The following MACROD2 variants were observed in gnomAD, a reference collection of about 807,000 sequenced individuals.
MACROD2 encodes ADP-ribose glycohydrolase MACROD2.
MACROD2 carries 36 observed loss-of-function variants against 70.4 expected under a neutral mutation model. The ratio of observed to expected loss-of-function variants is 0.51; its 90% CI spans 0.39 to 0.68. MACROD2 has a LOEUF of 0.68. MACROD2 is among the 30% of genes least tolerant of loss of function. The probability of loss-of-function intolerance (pLI) is 0.00; values close to 1 mark genes in which losing one functional copy is unlikely to be tolerated. For missense variants in MACROD2, 496 were observed against 538.4 expected (o/e 0.92, Z 0.78); for synonymous variants, 172 against 178.8 (o/e 0.96, Z 0.30).
chr20:14,574,792 A>C (rs1344502339), intron 4 of MACROD2, among the ~76,000 whole-genome samples: 1 of 149,778 alleles, frequency 6.7e-6, no homozygotes, highest in African/African-American at 2.4e-5. Context: ...CGGGTGGATC[A>C]TGAGGTCAGG....
At chr20:14,088,206 G>C (rs2054103850) in intron 3 of MACROD2, among the ~76,000 whole-genome samples, 1 of 151,560 alleles carries the variant, frequency 6.6e-6, no homozygotes, top group African/African-American at 2.4e-5. Flanking sequence ...GCGTGTGCCT[G>C]TAAGTCCCAG....
At chr20:15,787,252 C>T (rs989034501) in intron 8 of MACROD2, among the ~76,000 whole-genome samples, 8 of 151,996 alleles carry the variant, frequency 5.3e-5, no homozygotes, top group Non-Finnish European at 1.0e-4. Context: ...GATTACAGGC[C>T]GAAGAAACAT....
intron 5 of MACROD2, among the ~76,000 whole-genome samples, chr20:14,920,390 T>C (rs912799121): frequency 1.3e-5 from 2 of 152,190 alleles, no homozygotes; most frequent in African/African-American, 4.8e-5. Context: ...TCTTATCTAA[T>C]GTTTCCTAAA....
chr20:15,128,959 T>A (rs1170108205), intron 5 of MACROD2, among the ~76,000 whole-genome samples: 1 of 152,026 alleles, frequency 6.6e-6, no homozygotes, highest in Non-Finnish European at 1.5e-5. Flanking sequence ...ATTTTAATGC[T>A]TCCTTCTTGT....
chr20:14,682,432 A>G (rs988194355), intron 4 of MACROD2, among the ~76,000 whole-genome samples: 7 of 151,396 alleles, frequency 4.6e-5, no homozygotes, highest in African/African-American at 1.7e-4. Context: ...CTGAATATAT[A>G]TATACACATT....
At chr20:15,529,760 GC>G (rs928539711) in intron 8 of MACROD2, among the ~76,000 whole-genome samples, 21 of 151,368 alleles carry the variant, frequency 1.4e-4, no homozygotes, top group East Asian at 7.7e-4. Context: ...ACTGATATCC[GC>G]CCCCCCCACC....
intron 6 of MACROD2, among the ~76,000 whole-genome samples, chr20:15,279,024 G>A (rs1392504099): frequency 1.3e-5 from 2 of 152,114 alleles, no homozygotes; most frequent in Non-Finnish European, 1.5e-5. Context: ...GGCAATATCT[G>A]TGCTGAAATA....
intron 3 of MACROD2, among the ~76,000 whole-genome samples, chr20:14,376,249 G>A (rs2122760422): frequency 6.6e-6 from 1 of 152,002 alleles, no homozygotes; most frequent in East Asian, 1.9e-4. Flanking sequence ...TACTTCCTAT[G>A]CCTTTTTATT....
At chr20:14,972,101 A>G (rs888539405) in intron 5 of MACROD2, among the ~76,000 whole-genome samples, 3 of 152,226 alleles carry the variant, frequency 2.0e-5, no homozygotes, top group Admixed American at 6.5e-5. Flanking sequence ...CTTAACTCCT[A>G]TATCACTGGT....
intron 3 of MACROD2, among the ~76,000 whole-genome samples, chr20:14,226,516 G>T (rs937570775): frequency 3.9e-5 from 6 of 152,190 alleles, no homozygotes; most frequent in African/African-American, 1.4e-4. Context: ...GTAGGGAGGC[G>T]CGAGCGGGAA....
intron 2 of MACROD2, among the ~76,000 whole-genome samples, chr20:14,076,044 A>G (rs998362712): frequency 6.6e-6 from 1 of 152,216 alleles, no homozygotes; most frequent in Non-Finnish European, 1.5e-5. Context: ...TCCATTTATC[A>G]AGAATACAAT....
chr20:15,326,513 A>T (rs1428659359), intron 6 of MACROD2, among the ~76,000 whole-genome samples: 1 of 152,122 alleles, frequency 6.6e-6, no homozygotes, highest in East Asian at 1.9e-4. Context: ...CCTTCTCCTG[A>T]CAAGTCCCCA....
At chr20:15,355,872 T>C (rs1400893867) in intron 6 of MACROD2, among the ~76,000 whole-genome samples, 1 of 152,176 alleles carries the variant, frequency 6.6e-6, no homozygotes, top group Non-Finnish European at 1.5e-5. Context: ...TGTGCAAGCA[T>C]TAGGCCCCTA....
chr20:15,889,253 G>T (rs373252936), intron 10 of MACROD2, among the ~76,000 whole-genome samples: 1 of 152,134 alleles, frequency 6.6e-6, no homozygotes, highest in Non-Finnish European at 1.5e-5. Flanking sequence ...CAATTAGCTC[G>T]TGTGAGCTGG....
At chr20:14,826,028 A>T (rs550241482) in intron 5 of MACROD2, among the ~76,000 whole-genome samples, 4 of 152,192 alleles carry the variant, frequency 2.6e-5, no homozygotes, top group Non-Finnish European at 2.9e-5. Flanking sequence ...ACCTATCATT[A>T]TCAATACAGA....
chr20:14,707,723 C>T (rs183726361), intron 5 of MACROD2, among the ~76,000 whole-genome samples: 64 of 152,208 alleles, frequency 4.2e-4, no homozygotes, highest in African/African-American at 1.4e-3. Context: ...ATAGGGAAGG[C>T]GCCCATCACA....
intron 5 of MACROD2, chr20:15,022,860 T>G (rs1176951485): frequency 6.6e-6 from 1 of 152,192 alleles, no homozygotes; most frequent in African/African-American, 2.4e-5. Flanking sequence ...CAGTGCTTGC[T>G]TTGGCAACAC....
chr20:15,330,546 C>G lies in MACROD2; in HGVS notation c.540+100485C>G, dbSNP rs906834089. Among the ~76,000 whole-genome samples, 2 of 151,470 alleles carry G rather than the reference C, an allele frequency of 1.3e-5. 1 individual carries two copies. The highest frequency in any genetic ancestry group is 4.9e-5 in the African/African-American group (2 of 40,904). ...ATGGAAGATTATAAGCAGACCATTTCCAGAGCAACAAAAAATGTAGGACTG... is the reference window on the plus strand; with the variant it reads ...ATGGAAGATTATAAGCAGACCATTTGCAGAGCAACAAAAAATGTAGGACTG... On this transcript the variant is annotated intron_variant, in intron 6 of 17. Coordinates refer to ENST00000684519, the MANE Select transcript of MACROD2 (RefSeq NM_001351661.2).
In MACROD2 at chr20:15,389,470, G is replaced by T. The variant is rs149335454; in HGVS notation, c.541-41935G>T. Reference sequence around the variant, plus strand: ...GGGTCACAGTCTCTCCTCTGAAACCGTTGAAGCCTGATGCCAGAATTTTCC... The same window carrying T: ...GGGTCACAGTCTCTCCTCTGAAACCTTTGAAGCCTGATGCCAGAATTTTCC... On this transcript the variant is annotated intron_variant, in intron 6 of 17. Coordinates refer to ENST00000684519, the MANE Select transcript of MACROD2 (RefSeq NM_001351661.2). Among the ~76,000 whole-genome samples, 286 of 152,320 alleles carry T rather than the reference G, an allele frequency of 1.9e-3. 2 individuals carry two copies. Among genetic ancestry groups the T allele is most frequent in the Non-Finnish European group, 3.6e-3 (244 of 68,034 alleles).
Sources: allele counts gnomAD v4.1 joint callset (sites outside exome capture counted in the v4.1 genomes callset), GRCh38; gene constraint gnomAD v4.1.1; transcripts MANE v1.5; gene names NCBI Gene and HGNC (gene_info 2026-07-23, HGNC 2026-07-21).